The following IFT57 variants were observed in gnomAD, a reference collection of about 807,000 sequenced individuals.
IFT57 encodes the protein intraflagellar transport protein 57 homolog.
In IFT57, 59 loss-of-function variants were observed where a neutral mutation model predicts 56.8. The observed-to-expected ratio is 1.04, with a 90% confidence interval of 0.84 to 1.29. The LOEUF is 1.29. IFT57 is among the 50% of genes most tolerant of loss of function. IFT57 has a pLI of 0.00. For synonymous variants in IFT57, 209 were observed against 186.1 expected (o/e 1.12, Z -1.00); for missense variants, 470 against 522.1 (o/e 0.90, Z 0.97).
chr3:108,219,663 C>T (rs1226899711), intron 1 of IFT57, 91 bp from the exon 2 acceptor site: 9 of 1,332,070 alleles, frequency 6.8e-6, no homozygotes, highest in Non-Finnish European at 9.5e-6. Flanking sequence ...AATTGTCCAA[C>T]AATCTTTCTT....
intron 7 of IFT57, 138 bp from the exon 8 acceptor site, chr3:108,167,123 T>C (rs898837879): frequency 6.0e-6 from 4 of 662,586 alleles, no homozygotes; most frequent in Non-Finnish European, 7.4e-6. Context: ...AAATTTTCAA[T>C]AGCACAAAAT....
intron 1 of IFT57, among the ~76,000 whole-genome samples, chr3:108,220,291 T>C (rs145718309): frequency 6.6e-6 from 1 of 152,360 alleles, no homozygotes; most frequent in African/African-American, 2.4e-5. Flanking sequence ...GATTTATACC[T>C]AAACATTATA....
chr3:108,212,416 C>A (rs190535103), intron 4 of IFT57, among the ~76,000 whole-genome samples: 1 of 152,192 alleles, frequency 6.6e-6, no homozygotes, highest in East Asian at 1.9e-4. Flanking sequence ...ATGTCCCCTC[C>A]TCTGTCTCTG....
At chr3:108,165,333 G>A in intron 9 of IFT57, 98 bp downstream of exon 9, 1 of 868,890 alleles carries the variant, frequency 1.2e-6, no homozygotes, top group Admixed American at 1.8e-5. Flanking sequence ...AAAGGCACAG[G>A]AAGCAACTGA....
chr3:108,208,157 A>G (rs2080323761), intron 4 of IFT57, among the ~76,000 whole-genome samples: 1 of 152,192 alleles, frequency 6.6e-6, no homozygotes, highest in East Asian at 1.9e-4. Flanking sequence ...AAACAACATA[A>G]ATGTAGATTC....
intron 5 of IFT57, among the ~76,000 whole-genome samples, chr3:108,193,040 GTA>G (rs1247992529): frequency 2.0e-5 from 3 of 152,064 alleles, no homozygotes; most frequent in South Asian, 2.1e-4. Flanking sequence ...TTCTAATTTT[GTA>G]TATGTTTGAA....
At chr3:108,175,385 G>C (rs753839723) in intron 6 of IFT57, among the ~76,000 whole-genome samples, 8 of 151,648 alleles carry the variant, frequency 5.3e-5, no homozygotes, top group Non-Finnish European at 1.2e-4. Context: ...AAATAGCAAA[G>C]GTATCATTGT....
chr3:108,205,037 T>C (rs1158884999), intron 5 of IFT57, among the ~76,000 whole-genome samples: 1 of 152,154 alleles, frequency 6.6e-6, no homozygotes, highest in Admixed American at 6.6e-5. Flanking sequence ...TTTCAATTGA[T>C]CAATAAAAAA....
At chr3:108,177,423 G>C (rs1371513008) in intron 6 of IFT57, among the ~76,000 whole-genome samples, 1 of 151,570 alleles carries the variant, frequency 6.6e-6, no homozygotes, top group Admixed American at 6.6e-5. Context: ...AAAAATTACA[G>C]ATCAATACCT....
chr3:108,213,202 T>C (rs1479505572), intron 4 of IFT57, among the ~76,000 whole-genome samples: 3 of 152,132 alleles, frequency 2.0e-5, no homozygotes, highest in Admixed American at 6.5e-5. Flanking sequence ...GTAAAGTTTT[T>C]GGGAGTCCAG....
chr3:108,208,762 C>T (rs551919349), intron 4 of IFT57, among the ~76,000 whole-genome samples: 1 of 152,296 alleles, frequency 6.6e-6, no homozygotes, highest in Non-Finnish European at 1.5e-5. Flanking sequence ...CCACTTTGGG[C>T]TCCTCATACC....
intron 5 of IFT57, among the ~76,000 whole-genome samples, chr3:108,198,163 G>A (rs145930038): frequency 9.0e-4 from 137 of 152,252 alleles, no homozygotes; most frequent in African/African-American, 3.2e-3. Context: ...TCTTGTGATT[G>A]GTAGGTCAGG....
chr3:108,173,997 A>AATGTGTGTGTGTGTGT (rs59994463), intron 6 of IFT57, among the ~76,000 whole-genome samples: 2 of 100,762 alleles, frequency 2.0e-5, no homozygotes, highest in East Asian at 2.4e-4. Flanking sequence ...CATATATTTG[A>AATGTGTGTGTGTGTGT]GTGTGTGTGT....
chr3:108,205,022 T>A (rs1195161312), intron 5 of IFT57, among the ~76,000 whole-genome samples: 1 of 152,176 alleles, frequency 6.6e-6, no homozygotes, highest in Non-Finnish European at 1.5e-5. Flanking sequence ...ATTATTCTGA[T>A]ATATTTTCAA....
intron 7 of IFT57, 105 bp downstream of exon 7, chr3:108,167,688 C>A: frequency 7.5e-6 from 5 of 665,242 alleles, no homozygotes; most frequent in Non-Finnish European, 1.2e-5. Flanking sequence ...TTAGTAAGTT[C>A]CTTAAAGGCA....
At chr3:108,194,037 G>A (rs1229997716) in intron 5 of IFT57, among the ~76,000 whole-genome samples, 2 of 152,102 alleles carry the variant, frequency 1.3e-5, no homozygotes, top group Non-Finnish European at 1.5e-5. Flanking sequence ...AGGGGTTATG[G>A]GCAATCCCAA....
At chr3:108,213,295 T>G (rs958566650) in intron 4 of IFT57, among the ~76,000 whole-genome samples, 3 of 124,824 alleles carry the variant, frequency 2.4e-5, no homozygotes, top group Non-Finnish European at 5.5e-5. Flanking sequence ...TACTATAAAG[T>G]TTGTTTTTTC....
intron 6 of IFT57, among the ~76,000 whole-genome samples, chr3:108,171,995 G>T (rs1292506716): frequency 2.6e-5 from 4 of 151,598 alleles, no homozygotes; most frequent in Non-Finnish European, 5.9e-5. Flanking sequence ...TATTATAATG[G>T]ATATGTTAAA....
At chr3:108,173,676 T>G (rs367663601) in intron 6 of IFT57, among the ~76,000 whole-genome samples, 1 of 151,642 alleles carries the variant, frequency 6.6e-6, no homozygotes. Context: ...GTCTGGGTGC[T>G]CAAAGCACAG....
Sources: gnomAD v4.1 joint callset for allele counts (sites outside exome capture counted in the v4.1 genomes callset) on GRCh38, gnomAD v4.1.1 for gene constraint, MANE v1.5 for transcripts, NCBI Gene and HGNC (gene_info 2026-07-23, HGNC 2026-07-21) for gene names.